The following TASP1 variants were observed in gnomAD, a reference collection of about 807,000 sequenced individuals.
TASP1 encodes taspase 1.
A neutral mutation model predicts 56.6 loss-of-function variants in TASP1; 16 were observed. The ratio of observed to expected loss-of-function variants is 0.28; its 90% CI spans 0.19 to 0.43. The LOEUF (loss-of-function observed/expected upper bound fraction) is 0.43, where lower values mean the gene tolerates loss of function less well. TASP1 is among the 20% of genes least tolerant of loss of function. The pLI is 1.00. For synonymous variants in TASP1, 179 were observed against 184.2 expected, an observed-to-expected ratio of 0.97 and a Z score of 0.23; for missense variants, 393 against 511.6, an observed-to-expected ratio of 0.77 and a Z score of 2.24.
At chr20:13,420,709 G>A (rs1371057844) in intron 12 of TASP1, among the ~76,000 whole-genome samples, 1 of 152,180 alleles carries the variant, frequency 6.6e-6, no homozygotes, top group Non-Finnish European at 1.5e-5. Flanking sequence ...TCTAAGATGT[G>A]CCAGGCATTG....
chr20:13,263,762 A>G, the TASP1 span, among the ~76,000 whole-genome samples: 1 of 152,242 alleles, frequency 6.6e-6, no homozygotes, highest in Admixed American at 6.5e-5. Flanking sequence ...AAAAGGAAAC[A>G]AGCATTGTCG....
At chr20:13,584,445 G>A (rs1185122851) in intron 5 of TASP1, among the ~76,000 whole-genome samples, 2 of 152,126 alleles carry the variant, frequency 1.3e-5, no homozygotes, top group Non-Finnish European at 2.9e-5. Flanking sequence ...GTAGTACACA[G>A]AGAAATGCTA....
At chr20:13,574,948 C>T (rs996914217) in intron 6 of TASP1, among the ~76,000 whole-genome samples, 13 of 151,434 alleles carry the variant, frequency 8.6e-5, no homozygotes, top group African/African-American at 2.7e-4. Context: ...AATTTTTTTC[C>T]CAAAGTTGAT....
chr20:13,306,564 C>CAAAAAAAAAAAAAAAAGA, the TASP1 span, among the ~76,000 whole-genome samples: 1 of 63,914 alleles, frequency 1.6e-5, no homozygotes, highest in Non-Finnish European at 2.6e-5. Context: ...GGAGAAAGGA[C>CAAAAAAAAAAAAAAAAGA]AAAAAAAAAA....
At chr20:13,459,148 T>C (rs751874672) in intron 11 of TASP1, among the ~76,000 whole-genome samples, 5 of 152,128 alleles carry the variant, frequency 3.3e-5, no homozygotes, top group Non-Finnish European at 7.4e-5. Context: ...ATGGAGACTA[T>C]CCTTCCAACT....
At chr20:13,285,871 G>C in the TASP1 span, among the ~76,000 whole-genome samples, 1 of 152,190 alleles carries the variant, frequency 6.6e-6, no homozygotes, top group Non-Finnish European at 1.5e-5. Flanking sequence ...AAAGTTCAGG[G>C]GTGATGTCTC....
At chr20:13,344,729 T>C in the TASP1 span, among the ~76,000 whole-genome samples, 1 of 152,112 alleles carries the variant, frequency 6.6e-6, no homozygotes. Context: ...TTCCTCATGT[T>C]CCCCGAGGGC....
chr20:13,400,731 G>A (rs554609723), intron 13 of TASP1, among the ~76,000 whole-genome samples: 3 of 152,244 alleles, frequency 2.0e-5, no homozygotes, highest in South Asian at 4.1e-4. Flanking sequence ...TGTAAATAGA[G>A]AGAACAGCGC....
At chr20:13,389,142 C>T (rs962736555), downstream of TASP1, among the ~76,000 whole-genome samples, 1 of 152,192 alleles carries the variant, frequency 6.6e-6, no homozygotes, top group African/African-American at 2.4e-5. Flanking sequence ...GAGCTTTTAG[C>T]TGCCACTACA....
chr20:13,374,605 C>A, the TASP1 span, among the ~76,000 whole-genome samples: 3 of 152,192 alleles, frequency 2.0e-5, no homozygotes, highest in Non-Finnish European at 4.4e-5. Context: ...GCCTCAGCCT[C>A]CCAAAGTGCT....
chr20:13,476,221 C>T (rs1382793019), intron 11 of TASP1, among the ~76,000 whole-genome samples: 5 of 152,108 alleles, frequency 3.3e-5, no homozygotes, highest in African/African-American at 1.2e-4. Flanking sequence ...CTCTCTTTTA[C>T]GTGTTTTACT....
At chr20:13,202,248 T>C in the TASP1 span, among the ~76,000 whole-genome samples, 1 of 152,186 alleles carries the variant, frequency 6.6e-6, no homozygotes, top group African/African-American at 2.4e-5. Context: ...GAGTTCAAGC[T>C]ACCAACATGA....
intron 11 of TASP1, among the ~76,000 whole-genome samples, chr20:13,454,047 C>G (rs6079070): frequency 6.0e-5 from 9 of 149,250 alleles, no homozygotes; most frequent in Non-Finnish European, 1.3e-4. Flanking sequence ...AGTAAAGAAC[C>G]TAGGAATTGA....
chr20:13,205,485 G>A, the TASP1 span, among the ~76,000 whole-genome samples: 3 of 152,194 alleles, frequency 2.0e-5, no homozygotes, highest in Non-Finnish European at 4.4e-5. Context: ...AAGCCGAAGA[G>A]TTCAAGATCA....
chr20:13,279,693 G>T, the TASP1 span: 4 of 1,614,014 alleles, frequency 2.5e-6, no homozygotes, highest in South Asian at 3.3e-5. Flanking sequence ...AGCATCCGGA[G>T]AATAAGCCCA....
chr20:13,106,986 G>A, the TASP1 span, among the ~76,000 whole-genome samples: 1 of 152,324 alleles, frequency 6.6e-6, no homozygotes, highest in East Asian at 1.9e-4. Flanking sequence ...GAACTCAAAT[G>A]AGGTGGAAAA....
chr20:13,512,416 G>A (rs752973694), intron 10 of TASP1, among the ~76,000 whole-genome samples: 8 of 152,224 alleles, frequency 5.3e-5, no homozygotes, highest in Non-Finnish European at 1.0e-4. Flanking sequence ...TTTGAGAAGT[G>A]TCTGTTCATC....
intron 10 of TASP1, among the ~76,000 whole-genome samples, chr20:13,524,529 T>C (rs1161277978): frequency 6.6e-6 from 1 of 152,176 alleles, no homozygotes; most frequent in East Asian, 1.9e-4. Flanking sequence ...TACAAGGCTG[T>C]TTGCCAGGCA....
Position 13,390,339 on chromosome 20 carries a change from C to T in TASP1, c.*21G>A, listed in dbSNP as rs2041225576. 2.5e-6 allele frequency: 4 copies of T among 1,611,346 alleles called. No individual in the cohort carries two copies. The highest frequency in any genetic ancestry group is 1.6e-4 in the Middle Eastern group (1 of 6,078). On this transcript the variant is annotated 3_prime_UTR_variant, in exon 14 of 14. Transcript: ENST00000337743. ...CAGGTTCTGAAATGCCTCTGAGACG[C>T]TTCACACTCAGCCTGAAGGGTCAGT... is the stretch of plus-strand genomic sequence containing the variant.
Sources: gnomAD v4.1 joint callset for allele counts (sites outside exome capture counted in the v4.1 genomes callset) on GRCh38, gnomAD v4.1.1 for gene constraint, MANE v1.5 for transcripts, NCBI Gene and HGNC (gene_info 2026-07-23, HGNC 2026-07-21) for gene names.